Variants in LAMC1 observed in about 807,000 individuals in gnomAD.
LAMC1 encodes the protein laminin subunit gamma 1, also known as laminin subunit gamma-1.
A neutral mutation model predicts 173.6 loss-of-function variants in LAMC1; 38 were observed. The observed-to-expected ratio is 0.22, with a 90% CI of 0.17 to 0.29. The LOEUF is 0.29. Among genes scored for constraint, LAMC1 ranks in the 10% least tolerant of loss-of-function variants. The pLI is 1.00. For synonymous variants in LAMC1, 746 were observed against 749.1 expected (o/e 1.00, Z 0.07); for missense variants, 1,824 against 2,051.8 (o/e 0.89, Z 2.14).
chr1:183,086,247 G>A (rs1374535623), intron 1 of LAMC1, among the ~76,000 whole-genome samples: 15 of 152,190 alleles, frequency 9.9e-5, no homozygotes, highest in Non-Finnish European at 5.9e-5. Context: ...ATATGGCCGC[G>A]TTGCGATTAT....
At chr1:183,058,096 T>C (rs935829304) in intron 1 of LAMC1, among the ~76,000 whole-genome samples, 5 of 152,202 alleles carry the variant, frequency 3.3e-5, no homozygotes, top group Non-Finnish European at 7.3e-5. Context: ...ATTTATTTTT[T>C]GTCTATGATG....
chr1:183,025,431 TAAAC>T (rs1373129073), intron 1 of LAMC1, among the ~76,000 whole-genome samples: 1 of 152,212 alleles, frequency 6.6e-6, no homozygotes, highest in Non-Finnish European at 1.5e-5. Flanking sequence ...GTTGAGTCAT[TAAAC>T]AAATGAAACA....
intron 5 of LAMC1, 73 bp from the exon 6 acceptor site, chr1:183,115,446 CT>C (rs1168676836): frequency 4.4e-5 from 42 of 950,090 alleles, no homozygotes; most frequent in Non-Finnish European, 7.0e-5. Flanking sequence ...TACCAGTTAT[CT>C]TTCTTTAACA....
At chr1:183,094,019 CTCA>C (rs1302980303) in intron 1 of LAMC1, among the ~76,000 whole-genome samples, 1 of 152,176 alleles carries the variant, frequency 6.6e-6, no homozygotes, top group Non-Finnish European at 1.5e-5. Flanking sequence ...CCAGTGGGTT[CTCA>C]TCTTATTCAG....
chr1:183,117,289 A>T (rs373029035), intron 8 of LAMC1, 31 bp from the exon 9 acceptor site: 5 of 1,590,728 alleles, frequency 3.1e-6, no homozygotes, highest in Middle Eastern at 1.7e-4. Flanking sequence ...TTACAGTGTA[A>T]AGTGCTTGTG....
In LAMC1 at chr1:183,125,399, T is replaced by A; in HGVS notation, c.2650T>A (p.Cys884Ser). The A allele has an allele frequency of 6.2e-7, 1 of 1,614,028 alleles. No individual in the cohort carries two copies. The highest frequency in any genetic ancestry group is 8.5e-7 in the Non-Finnish European group (1 of 1,179,910). ...APNPADKCKACNCNLYGTMKQ... is the reference protein window; with the variant it reads ...APNPADKCKASNCNLYGTMKQ... ...CCATCTCTGTCTTCCTGCCTTAGCCTGCAATTGCAATCTGTATGGGACCAT... is the reference window on the plus strand; with the variant it reads ...CCATCTCTGTCTTCCTGCCTTAGCCAGCAATTGCAATCTGTATGGGACCAT... The change falls in exon 15 of 28, where the codon TGC (cysteine) becomes AGC (serine). Residue 884 changes from cysteine to serine, a missense_variant and splice_region_variant. Physicochemically the swap from Cys to Ser is moderately radical, Grantham distance 112. Coordinates refer to ENST00000258341, the MANE Select transcript of LAMC1 (RefSeq NM_002293.4).
chr1:183,069,828 C>G (rs940298375), intron 1 of LAMC1, among the ~76,000 whole-genome samples: 2 of 152,116 alleles, frequency 1.3e-5, no homozygotes, highest in Non-Finnish European at 2.9e-5. Flanking sequence ...TTCTGAGGAG[C>G]CTGTTTTTAG....
intron 1 of LAMC1, among the ~76,000 whole-genome samples, chr1:183,038,079 A>G (rs984666601): frequency 2.3e-4 from 33 of 144,580 alleles, no homozygotes; most frequent in African/African-American, 8.0e-4. Flanking sequence ...TCTGTTGCCC[A>G]GGCTGGAGTG....
chr1:183,105,683 T>G (rs940080719), intron 2 of LAMC1, among the ~76,000 whole-genome samples: 2 of 152,208 alleles, frequency 1.3e-5, no homozygotes, highest in Admixed American at 6.5e-5. Flanking sequence ...TCAGTCAGTT[T>G]CATTATGCAG....
Position 183,142,965 on chromosome 1 carries a change from T to A in LAMC1, c.*175T>A, listed in dbSNP as rs1657156619. The A allele has an allele frequency of 1.6e-6, 1 of 636,106 alleles. No homozygotes were observed. The highest frequency in any genetic ancestry group is 2.6e-6 in the Non-Finnish European group (1 of 379,346). 39.4% of individuals were successfully genotyped at this position (636,106 alleles called of 1,614,324 possible). On this transcript the variant is annotated 3_prime_UTR_variant, in exon 28 of 28. Coordinates refer to ENST00000258341, the MANE Select transcript of LAMC1 (RefSeq NM_002293.4). ...TTAAAGAGAAGCAAATTAAACATCC[T>A]GAATCGGGAACAAAGGGTTTTATCT... is the stretch of plus-strand genomic sequence containing the variant.
At chr1:183,040,291 G>T (rs1389511537) in intron 1 of LAMC1, among the ~76,000 whole-genome samples, 1 of 152,162 alleles carries the variant, frequency 6.6e-6, no homozygotes, top group Non-Finnish European at 1.5e-5. Flanking sequence ...CTTTTATGGT[G>T]AATAATGGAC....
intron 1 of LAMC1, among the ~76,000 whole-genome samples, chr1:183,071,781 A>C (rs1558038940): frequency 6.6e-6 from 1 of 152,222 alleles, no homozygotes; most frequent in African/African-American, 2.4e-5. Flanking sequence ...TGCCGTCTTA[A>C]GTTCCCAAAC....
At chr1:183,025,096 C>T (rs1284073649) in intron 1 of LAMC1, among the ~76,000 whole-genome samples, 1 of 152,186 alleles carries the variant, frequency 6.6e-6, no homozygotes, top group Non-Finnish European at 1.5e-5. Flanking sequence ...CTTCACTCCC[C>T]ATTGCCTTGG....
At chr1:183,113,786 C>T (rs192095336) in intron 4 of LAMC1, among the ~76,000 whole-genome samples, 76 of 152,284 alleles carry the variant, frequency 5.0e-4, no homozygotes, top group African/African-American at 1.8e-3. Context: ...GTATTTGACT[C>T]ATCTGAGGCC....
intron 1 of LAMC1, among the ~76,000 whole-genome samples, chr1:183,041,680 C>T (rs1571404097): frequency 1.3e-5 from 2 of 152,182 alleles, no homozygotes; most frequent in East Asian, 3.8e-4. Context: ...GTACCGGAGA[C>T]AGGGCAGAGA....
At chr1:183,107,056 G>T (rs1003393601) in intron 2 of LAMC1, among the ~76,000 whole-genome samples, 1 of 152,168 alleles carries the variant, frequency 6.6e-6, no homozygotes, top group Non-Finnish European at 1.5e-5. Flanking sequence ...AATTAGCTCA[G>T]TGTAAGGGCT....
At chr1:183,093,620 C>T (rs557834378) in intron 1 of LAMC1, among the ~76,000 whole-genome samples, 2 of 152,300 alleles carry the variant, frequency 1.3e-5, no homozygotes, top group South Asian at 4.1e-4. Flanking sequence ...ATTTCTCTCT[C>T]TTGCTGCAGC....
Position 183,130,474 on chromosome 1 carries a change from TGTA to T in LAMC1, c.3413_3415del (p.Val1138del), listed in dbSNP as rs746832233. The T allele has an allele frequency of 1.1e-5, 17 of 1,614,084 alleles. No homozygotes were observed. The highest frequency in any genetic ancestry group is 1.4e-5 in the Non-Finnish European group (17 of 1,180,048). On this transcript the variant is annotated inframe_deletion, in exon 19 of 28. Transcript: ENST00000258341. Reference sequence around the variant, plus strand: ...ACTTGGCTGAACAAGCGCGTGCCCATGTAGAGAACACAGAGCGGTTGATTGAAA... The same window carrying T: ...ACTTGGCTGAACAAGCGCGTGCCCATGAGAACACAGAGCGGTTGATTGAAA...
chr1:183,107,345 G>A (rs572084692), intron 2 of LAMC1, among the ~76,000 whole-genome samples: 1 of 152,228 alleles, frequency 6.6e-6, no homozygotes, highest in South Asian at 2.1e-4. Flanking sequence ...GTTGGGTAGG[G>A]GTAGCAATGT....
Sources: allele counts gnomAD v4.1 joint callset (sites outside exome capture counted in the v4.1 genomes callset), GRCh38; gene constraint gnomAD v4.1.1; transcripts MANE v1.5; gene names NCBI Gene and HGNC (gene_info 2026-07-23, HGNC 2026-07-21).